Variants in N4BP2 observed in about 807,000 individuals in gnomAD.
N4BP2 encodes NEDD4 binding protein 2, also known as NEDD4-binding protein 2.
Under a neutral mutation model 152.8 loss-of-function variants are expected in N4BP2, and 91 were observed. The observed-to-expected ratio is 0.60, with a 90% CI of 0.50 to 0.71. The LOEUF (loss-of-function observed/expected upper bound fraction) is 0.71. N4BP2 is among the 30% of genes least tolerant of loss of function. The pLI is 0.00. For synonymous variants in N4BP2, 646 were observed against 705.3 expected, an observed-to-expected ratio of 0.92 and a Z score of 1.33; for missense variants, 1,923 against 2,059.1, an observed-to-expected ratio of 0.93 and a Z score of 1.28.
chr4:40,152,697 G>C (rs754009597), intron 16 of N4BP2, 83 bp from the exon 17 acceptor site: 1 of 1,479,880 alleles, frequency 6.8e-7, no homozygotes, highest in Non-Finnish European at 9.3e-7. Context: ...ACAATTTCAT[G>C]TGCTTGAGTA....
chr4:40,142,475 A>G (rs962086661), intron 14 of N4BP2, 198 bp from the exon 15 acceptor site: 11 of 520,812 alleles, frequency 2.1e-5, no homozygotes, highest in Non-Finnish European at 3.5e-5. Context: ...AGAAAGGGTA[A>G]CCTTAGCGGC....
At chr4:40,165,623 TATAG>T in the N4BP2 span, among the ~76,000 whole-genome samples, 1 of 152,146 alleles carries the variant, frequency 6.6e-6, no homozygotes, top group Non-Finnish European at 1.5e-5. Flanking sequence ...AAAGGATATG[TATAG>T]ATAGATCCAC....
In N4BP2 at chr4:40,102,328, A is replaced by G. The variant is rs1342944562; in HGVS notation, c.483A>G (p.Val161=). ...TGAACTCTTCTCCTGATGACCAAGTATACTCATTTTTGCCTTCACAAGATG... is the reference window on the plus strand; with the variant it reads ...TGAACTCTTCTCCTGATGACCAAGTGTACTCATTTTTGCCTTCACAAGATG... ...EKLNSSPDDQ[V]YSFLPSQDVN... The change falls in exon 4 of 18, where the codon GTA becomes GTG. Residue 161 remains valine (V), a synonymous_variant. Transcript: ENST00000261435. 2 of 1,613,486 alleles carry G rather than the reference A, an allele frequency of 1.2e-6. No individual in the cohort carries two copies. Among genetic ancestry groups the G allele is most frequent in the East Asian group, 2.2e-5 (1 of 44,856 alleles).
chr4:40,144,646 G>C lies in N4BP2; in HGVS notation c.4989G>C (p.Glu1663Asp). ...TTATGATTTAGGGTACTCTTCATGA[G>C]CAGAAGATGAAAGAAGCCAATCACC... ...TFYAQQGTLH[E>D]QKMKEANHLA... Residue 1663 changes from glutamate to aspartate, a missense_variant, in exon 16 of 18, where the codon GAG (glutamate) becomes GAC (aspartate). Transcript: ENST00000261435. The C allele has an allele frequency of 6.2e-7, 1 of 1,611,734 alleles. No homozygotes were observed. Among genetic ancestry groups the C allele is most frequent in the Non-Finnish European group, 8.5e-7 (1 of 1,179,068 alleles).
At chr4:40,124,894 T>G (rs1234487347) in intron 11 of N4BP2, among the ~76,000 whole-genome samples, 4 of 152,218 alleles carry the variant, frequency 2.6e-5, no homozygotes, top group Non-Finnish European at 5.9e-5. Flanking sequence ...AAGTTTTTAT[T>G]GATGTCAGTA....
At chr4:40,099,433 G>C (rs1715410523) in intron 3 of N4BP2, among the ~76,000 whole-genome samples, 1 of 151,802 alleles carries the variant, frequency 6.6e-6, no homozygotes, top group Non-Finnish European at 1.5e-5. Flanking sequence ...ATTTTTAGTA[G>C]AGAATGGGGT....
At chr4:40,122,404 C>A in intron 9 of N4BP2, 95 bp downstream of exon 9, 1 of 783,288 alleles carries the variant, frequency 1.3e-6, no homozygotes, top group African/African-American at 1.8e-5. Context: ...GATGGAGTCT[C>A]GCTCTGTTGC....
Position 40,129,461 on chromosome 4 carries a change from A to C in N4BP2, c.4528-2340A>C, listed in dbSNP as rs563806489. On this transcript the variant is annotated intron_variant, in intron 12 of 17. Transcript: ENST00000261435. ...AGGCTGGTCTCAAACTCCTGAGCTC[A>C]AGCAATTCACCTGCCTCGGCCTCCC... Among the ~76,000 whole-genome samples, 39 of 152,218 alleles carry C rather than the reference A, an allele frequency of 2.6e-4. No individual in the cohort carries two copies. The South Asian group carries it at 3.1e-3, about 12-fold the overall frequency.
intron 2 of N4BP2, among the ~76,000 whole-genome samples, chr4:40,075,577 T>C (rs914578302): frequency 6.6e-6 from 1 of 151,978 alleles, no homozygotes; most frequent in Non-Finnish European, 1.5e-5. Flanking sequence ...TTTGTATTTT[T>C]AGTAGAGATG....
intron 16 of N4BP2, among the ~76,000 whole-genome samples, chr4:40,147,677 G>C (rs1720709969): frequency 1.3e-5 from 2 of 149,348 alleles, no homozygotes; most frequent in Admixed American, 6.6e-5. Context: ...TGGCCGGGTG[G>C]GGGCTGACCC....
Position 40,146,581 on chromosome 4 carries a change from G to C in N4BP2, c.5143+1781G>C, listed in dbSNP as rs1490986022. Among the ~76,000 whole-genome samples, 4 of 152,134 alleles carry C rather than the reference G, an allele frequency of 2.6e-5. No homozygotes were observed. In the East Asian group the frequency reaches 7.7e-4, roughly 29 times the overall value. ...TTATATTGAAAGTATGCAATGTGATGATTTGATAAATGTACACATTGTAAA... is the reference window on the plus strand; with the variant it reads ...TTATATTGAAAGTATGCAATGTGATCATTTGATAAATGTACACATTGTAAA... On this transcript the variant is annotated intron_variant, in intron 16 of 17. Transcript: ENST00000261435.
the N4BP2 span, among the ~76,000 whole-genome samples, chr4:40,179,243 G>A: frequency 6.6e-6 from 1 of 152,022 alleles, no homozygotes; most frequent in African/African-American, 2.4e-5. Flanking sequence ...GGTGGCTGAC[G>A]CCTGTAGTCC....
At chr4:40,141,683 G>A (rs1003701998) in intron 14 of N4BP2, among the ~76,000 whole-genome samples, 1 of 151,912 alleles carries the variant, frequency 6.6e-6, no homozygotes, top group Non-Finnish European at 1.5e-5. Context: ...CCCAGACGGG[G>A]TGGCGGCCGG....
At chr4:40,189,069 C>T in the N4BP2 span, among the ~76,000 whole-genome samples, 1 of 152,066 alleles carries the variant, frequency 6.6e-6, no homozygotes, top group Non-Finnish European at 1.5e-5. This position sits in a 1 kb window ranked among gnomAD's most constrained non-coding sequence, Gnocchi z 4.3. Context: ...TCGCTTGAAC[C>T]TGGGAGGGGG....
At chr4:40,104,481 A>G (rs1450520925) in intron 4 of N4BP2, among the ~76,000 whole-genome samples, 1 of 151,414 alleles carries the variant, frequency 6.6e-6, no homozygotes, top group Non-Finnish European at 1.5e-5. Context: ...CTGCTGATAC[A>G]CTTATAAGCA....
At position 40,059,384 on chromosome 4, in the gene N4BP2, T is replaced by TTATG. The variant is rs568897689; in HGVS notation, c.-212+2374_-212+2377dup. Among the ~76,000 whole-genome samples, 179 of 151,800 alleles carry TTATG rather than the reference T, an allele frequency of 1.2e-3. 1 individual carries two copies. The highest frequency in any genetic ancestry group is 3.5e-3 in the African/African-American group (144 of 41,304). The stretch of plus-strand genomic sequence containing the variant: ...AATTTAAGAAGAGATTGAGCATTTT[T>TTATG]TATGTATGTATGTATGTATGTATTT... On this transcript the variant is annotated intron_variant, in intron 1 of 17. Transcript: ENST00000261435.
chr4:40,189,266 C>A, the N4BP2 span, among the ~76,000 whole-genome samples: 1 of 152,192 alleles, frequency 6.6e-6, no homozygotes, highest in African/African-American at 2.4e-5. This position sits in a 1 kb window ranked among gnomAD's most constrained non-coding sequence, Gnocchi z 4.3. Flanking sequence ...AAAGCTCCTA[C>A]AACCCTACAA....
intron 16 of N4BP2, among the ~76,000 whole-genome samples, chr4:40,150,676 G>GAAAA (rs10675156): frequency 0.018 from 2,622 of 146,326 alleles, 92 homozygotes; most frequent in African/African-American, 0.063. Context: ...GTCTCAGGGG[G>GAAAA]AAAAAAAAAA....
chr4:40,094,061 G>A (rs1207966607), intron 2 of N4BP2, among the ~76,000 whole-genome samples: 2 of 152,006 alleles, frequency 1.3e-5, no homozygotes, highest in East Asian at 3.9e-4. Flanking sequence ...TTTTGATATG[G>A]TATATTTTCA....
Sources: allele counts gnomAD v4.1 joint callset (sites outside exome capture counted in the v4.1 genomes callset), GRCh38; gene constraint gnomAD v4.1.1; non-coding constraint Gnocchi (gnomAD v3.1); transcripts MANE v1.5; gene names NCBI Gene and HGNC (gene_info 2026-07-23, HGNC 2026-07-21).